Variants in SEZ6L observed in about 807,000 individuals in gnomAD.
The protein encoded by SEZ6L is seizure related 6 homolog like.
In SEZ6L, 37 loss-of-function variants were observed where a neutral mutation model predicts 106.2. That is an observed-to-expected ratio of 0.35 (90% confidence interval 0.27 to 0.46). The LOEUF (loss-of-function observed/expected upper bound fraction) is 0.46, where lower values mean the gene tolerates loss of function less well. SEZ6L is among the 20% of genes least tolerant of loss of function. The pLI is 1.00. For synonymous variants in SEZ6L, 541 were observed against 570.4 expected (o/e 0.95, Z 0.73); for missense variants, 1,172 against 1,332.8 (o/e 0.88, Z 1.88).
chr22:26,253,436 C>T (rs1211416496), intron 1 of SEZ6L, among the ~76,000 whole-genome samples: 5 of 117,240 alleles, frequency 4.3e-5, no homozygotes, highest in Admixed American at 3.1e-4. Flanking sequence ...GTTCCTTTTA[C>T]CCCCCTACTT....
chr22:26,189,985 T>G (rs1940076032), intron 1 of SEZ6L, among the ~76,000 whole-genome samples: 1 of 151,826 alleles, frequency 6.6e-6, no homozygotes, highest in Admixed American at 6.6e-5. Flanking sequence ...TGGTCCCAGT[T>G]ACTCGGGAGG....
In SEZ6L at chr22:26,243,744, G is replaced by A. The variant is rs142997463; in HGVS notation, c.95-48662G>A. 1.7e-3 allele frequency among the ~76,000 whole-genome samples: 264 copies of A among 152,292 alleles called. 2 individuals are homozygous for A. The highest frequency in any genetic ancestry group is 0.01 in the Middle Eastern group (3 of 294). ...GATGAGAGTAGGGCAACTAAAAGAAGAGGAGGAGGACAGAGCTCTAAGTTC... is the reference window on the plus strand; with the variant it reads ...GATGAGAGTAGGGCAACTAAAAGAAAAGGAGGAGGACAGAGCTCTAAGTTC... On this transcript the variant is annotated intron_variant, in intron 1 of 16. Coordinates refer to ENST00000248933, the MANE Select transcript of SEZ6L (RefSeq NM_021115.5).
intron 12 of SEZ6L, among the ~76,000 whole-genome samples, chr22:26,356,991 G>A (rs1310263457): frequency 3.4e-5 from 5 of 147,178 alleles, no homozygotes; most frequent in Admixed American, 6.8e-5. Context: ...TGGCTCTGTT[G>A]CCCAGGCCGA....
intron 10 of SEZ6L, among the ~76,000 whole-genome samples, chr22:26,346,696 T>C (rs1023518173): frequency 6.6e-6 from 1 of 152,192 alleles, no homozygotes; most frequent in African/African-American, 2.4e-5. Flanking sequence ...ATGCCAACTG[T>C]TGACAGGAGG....
chr22:26,179,315 C>T (rs1939230363), intron 1 of SEZ6L, among the ~76,000 whole-genome samples: 1 of 152,150 alleles, frequency 6.6e-6, no homozygotes, highest in African/African-American at 2.4e-5. Flanking sequence ...CACTGCAGCC[C>T]AGGAGTCCAA....
chr22:26,243,201 T>G (rs9613140), intron 1 of SEZ6L, among the ~76,000 whole-genome samples: 21,833 of 152,190 alleles, frequency 0.14, 1,818 homozygotes, highest in East Asian at 0.24. Context: ...TTCCAAAAAG[T>G]TCACATTCAC....
chr22:26,204,407 CTTTA>C (rs145135249), intron 1 of SEZ6L, among the ~76,000 whole-genome samples: 6 of 152,302 alleles, frequency 3.9e-5, no homozygotes, highest in Admixed American at 2.6e-4. Flanking sequence ...GTTCTAGGCA[CTTTA>C]CATCCATTAG....
chr22:26,332,502 A>G (rs972017769), intron 9 of SEZ6L, among the ~76,000 whole-genome samples: 17 of 151,278 alleles, frequency 1.1e-4, no homozygotes, highest in South Asian at 2.1e-4. Flanking sequence ...GCTGGAGTAC[A>G]GTGGTGCAAT....
intron 14 of SEZ6L, among the ~76,000 whole-genome samples, chr22:26,375,027 G>A (rs1301021084): frequency 2.0e-5 from 3 of 152,078 alleles, no homozygotes; most frequent in Admixed American, 6.5e-5. Flanking sequence ...GGACGGGCCC[G>A]TCAGTCTGCA....
chr22:26,267,293 A>G (rs2080221233), intron 1 of SEZ6L, among the ~76,000 whole-genome samples: 1 of 152,194 alleles, frequency 6.6e-6, no homozygotes, highest in South Asian at 2.1e-4. Flanking sequence ...CTTGGCTGTC[A>G]CTGCCAGGTT....
intron 9 of SEZ6L, among the ~76,000 whole-genome samples, chr22:26,324,616 A>G (rs1199544324): frequency 6.6e-6 from 1 of 152,204 alleles, no homozygotes; most frequent in Non-Finnish European, 1.5e-5. Context: ...ATTTCCAGAT[A>G]TCAGCAAAAA....
In SEZ6L at chr22:26,270,782, G is replaced by A. The variant is rs138044027; in HGVS notation, c.95-21624G>A. Reference sequence around the variant, plus strand: ...GGCTGGCTGTCAAGGAAAACCCCTCGCTGGTGTCTGCTAGGACACTCATCT... The same window carrying A: ...GGCTGGCTGTCAAGGAAAACCCCTCACTGGTGTCTGCTAGGACACTCATCT... On this transcript the variant is annotated intron_variant, in intron 1 of 16. Coordinates refer to ENST00000248933, the MANE Select transcript of SEZ6L (RefSeq NM_021115.5). Among the ~76,000 whole-genome samples, 777 of 152,194 alleles carry A rather than the reference G, an allele frequency of 5.1e-3. 19 individuals are homozygous for A. The highest frequency in any genetic ancestry group is 0.033 in the Admixed American group (503 of 15,290).
At chr22:26,352,820 C>T (rs188535788) in intron 12 of SEZ6L, among the ~76,000 whole-genome samples, 10 of 152,248 alleles carry the variant, frequency 6.6e-5, no homozygotes, top group African/African-American at 2.4e-4. Context: ...CAGAGTATGG[C>T]CAAATTCACA....
Position 26,169,652 on chromosome 22 carries a change from G to T in SEZ6L, c.-18G>T. 8.9e-7 allele frequency: 1 copy of T among 1,120,338 alleles called. No homozygotes were observed. Among genetic ancestry groups the T allele is most frequent in the Non-Finnish European group, 1.2e-6 (1 of 848,678 alleles). 69.4% of individuals were successfully genotyped at this position (1,120,338 alleles called of 1,614,324 possible). On this transcript the variant is annotated 5_prime_UTR_variant, in exon 1 of 17. Coordinates refer to ENST00000248933, the MANE Select transcript of SEZ6L (RefSeq NM_021115.5). ...CGCCCGCCCCACAGCCAGCGGCTCC[G>T]CGCCCCCTGCAGCCACGATGCCCGC... is the stretch of plus-strand genomic sequence containing the variant.
At chr22:26,345,725 C>T (rs1044621044) in intron 10 of SEZ6L, among the ~76,000 whole-genome samples, 1 of 152,168 alleles carries the variant, frequency 6.6e-6, no homozygotes, top group East Asian at 1.9e-4. Flanking sequence ...CTGCAGACAG[C>T]GGAGGTGCTC....
chr22:26,185,009 A>G (rs1426173894), intron 1 of SEZ6L, among the ~76,000 whole-genome samples: 1 of 152,194 alleles, frequency 6.6e-6, no homozygotes, highest in Non-Finnish European at 1.5e-5. Flanking sequence ...GCTTGAACCC[A>G]GGTGGCAGAG....
intron 1 of SEZ6L, among the ~76,000 whole-genome samples, chr22:26,258,815 T>C (rs2079907873): frequency 6.6e-6 from 1 of 152,188 alleles, no homozygotes; most frequent in South Asian, 2.1e-4. Flanking sequence ...TGAAGGGCCT[T>C]ATACACAATG....
At chr22:26,370,840 C>T (rs2084006850) in intron 13 of SEZ6L, among the ~76,000 whole-genome samples, 1 of 151,708 alleles carries the variant, frequency 6.6e-6, no homozygotes, top group African/African-American at 2.4e-5. Context: ...CTCATTTCTA[C>T]AAAAAATCAA....
intron 1 of SEZ6L, among the ~76,000 whole-genome samples, chr22:26,220,756 G>A (rs1390850462): frequency 6.6e-6 from 1 of 152,202 alleles, no homozygotes; most frequent in Non-Finnish European, 1.5e-5. Context: ...GGGCCACTGG[G>A]TATCCCCAGA....
Sources: gnomAD v4.1 joint callset for allele counts (sites outside exome capture counted in the v4.1 genomes callset) on GRCh38, gnomAD v4.1.1 for gene constraint, MANE v1.5 for transcripts, NCBI Gene and HGNC (gene_info 2026-07-23, HGNC 2026-07-21) for gene names.